Variants in FRMPD4 observed in about 807,000 individuals in gnomAD.
FRMPD4 encodes the protein FERM and PDZ domain containing 4.
FRMPD4 carries 22 observed loss-of-function variants against 94.1 expected under a neutral mutation model. The ratio of observed to expected loss-of-function variants is 0.23; its 90% CI spans 0.17 to 0.33. The LOEUF (loss-of-function observed/expected upper bound fraction) is 0.33, where lower values mean the gene tolerates loss of function less well. Ranked by LOEUF, FRMPD4 falls within the 10% of genes least tolerant of loss-of-function variation. FRMPD4 has a pLI of 1.00. For missense variants in FRMPD4, 1,111 were observed against 1,339.9 expected (o/e 0.83, Z 2.67); for synonymous variants, 631 against 548.6 (o/e 1.15, Z -2.10).
chrX:12,155,285 T>C (rs180699506), intron 1 of FRMPD4, among the ~76,000 whole-genome samples: 108 of 112,145 alleles, frequency 9.6e-4, no homozygotes, highest in Non-Finnish European at 1.8e-3. Context: ...TCCATCTGAA[T>C]ATCATACCCG....
At chrX:11,978,165 A>C (rs975918455) in intron 3 of FRMPD4, among the ~76,000 whole-genome samples, 3 of 108,212 alleles carry the variant, frequency 2.8e-5, no homozygotes, top group African/African-American at 1.0e-4. Context: ...TACTAAAAAT[A>C]CAAAAAATTA....
chrX:12,567,552 G>A (rs1454090968), intron 2 of FRMPD4, among the ~76,000 whole-genome samples: 1 of 112,519 alleles, frequency 8.9e-6, no homozygotes, highest in Admixed American at 9.4e-5. Context: ...CACAATCAAT[G>A]TGGCCAATGC....
At chrX:11,921,047 G>A (rs2054052991) in intron 3 of FRMPD4, among the ~76,000 whole-genome samples, 1 of 112,159 alleles carries the variant, frequency 8.9e-6, no homozygotes, top group African/African-American at 3.2e-5. Flanking sequence ...TAAAGTTATA[G>A]ATCAGGTCCT....
chrX:11,833,815 G>A (rs2053487768), intron 1 of FRMPD4, among the ~76,000 whole-genome samples: 1 of 111,595 alleles, frequency 9.0e-6, no homozygotes, highest in Non-Finnish European at 1.9e-5. Flanking sequence ...AATATGAGCA[G>A]AAGTGAAGCC....
chrX:12,357,991 T>A lies in FRMPD4; in HGVS notation c.42-140689T>A, dbSNP rs371891229. Reference sequence around the variant, plus strand: ...CGTCTAGATGAAATCATACAAGACATGCTCTTTCGTGATTGCCTTCTTTCA... The same window carrying A: ...CGTCTAGATGAAATCATACAAGACAAGCTCTTTCGTGATTGCCTTCTTTCA... On this transcript the variant is annotated intron_variant, in intron 1 of 16. Transcript: ENST00000675598. 2.4e-4 allele frequency among the ~76,000 whole-genome samples: 27 copies of A among 112,066 alleles called. 1 individual carries two copies. In the East Asian group the frequency reaches 3.1e-3, roughly 13 times the overall value.
chrX:12,551,987 G>C (rs955452303), intron 2 of FRMPD4, among the ~76,000 whole-genome samples: 1 of 111,929 alleles, frequency 8.9e-6, no homozygotes, highest in African/African-American at 3.2e-5. Context: ...AAATGGTTGA[G>C]TCTTTCCCTT....
intron 1 of FRMPD4, among the ~76,000 whole-genome samples, chrX:12,201,360 A>G (rs148827634): frequency 3.6e-5 from 4 of 112,259 alleles, no homozygotes; most frequent in African/African-American, 1.3e-4. Flanking sequence ...TCCTTCAACA[A>G]TGACAACAAT....
intron 3 of FRMPD4, among the ~76,000 whole-genome samples, chrX:11,953,600 G>T: frequency 9.0e-6 from 1 of 111,680 alleles, no homozygotes; most frequent in African/African-American, 3.3e-5. Context: ...AGGACGAATG[G>T]TCCCACCAGA....
chrX:12,606,063 C>T (rs2059129924), intron 2 of FRMPD4, among the ~76,000 whole-genome samples: 1 of 112,254 alleles, frequency 8.9e-6, no homozygotes, highest in Non-Finnish European at 1.9e-5. Context: ...AGTAAACTAG[C>T]ATATGGAAAG....
rs5935299 is a variant in FRMPD4, at chrX:12,328,245, A to C, written c.42-170435A>C. 5.4e-5 allele frequency among the ~76,000 whole-genome samples: 6 copies of C among 111,794 alleles called. No homozygotes were observed. The East Asian group carries it at 8.4e-4, about 16-fold the overall frequency. On this transcript the variant is annotated intron_variant, in intron 1 of 16. Transcript: ENST00000675598. ...TTACATGTACCAAACAATTAAAACT[A>C]GGCAATAACAAAATTCTAATGTGAA...
At chrX:12,154,633 A>G (rs1374286444) in intron 1 of FRMPD4, among the ~76,000 whole-genome samples, 1 of 112,745 alleles carries the variant, frequency 8.9e-6, no homozygotes, top group Non-Finnish European at 1.9e-5. Context: ...GGACATGTAT[A>G]CCCTAAATAG....
chrX:11,856,108 G>A (rs1342763331), intron 1 of FRMPD4, among the ~76,000 whole-genome samples: 1 of 111,421 alleles, frequency 9.0e-6, no homozygotes, highest in African/African-American at 3.3e-5. Flanking sequence ...CAGTGAAAGG[G>A]GAAGCCGCTT....
chrX:12,399,338 T>A (rs2056582886), intron 1 of FRMPD4, among the ~76,000 whole-genome samples: 1 of 111,821 alleles, frequency 8.9e-6, no homozygotes, highest in East Asian at 2.8e-4. Context: ...TAGATATTAG[T>A]GTAGCTATAG....
intron 1 of FRMPD4, among the ~76,000 whole-genome samples, chrX:12,286,163 A>G (rs1478213300): frequency 8.9e-6 from 1 of 112,374 alleles, no homozygotes; most frequent in African/African-American, 3.2e-5. Flanking sequence ...AAAGAAACAT[A>G]CACACATGCA....
chrX:12,678,826 A>G (rs2059930973), intron 5 of FRMPD4, among the ~76,000 whole-genome samples: 1 of 112,224 alleles, frequency 8.9e-6, no homozygotes, highest in South Asian at 3.7e-4. Context: ...ACTCTGTCTC[A>G]AAAAACAAAA....
intron 1 of FRMPD4, among the ~76,000 whole-genome samples, chrX:12,376,663 A>G (rs994480184): frequency 2.7e-5 from 3 of 113,085 alleles, no homozygotes; most frequent in African/African-American, 9.6e-5. Context: ...ACACACACAC[A>G]CACTCATTCA....
chrX:12,042,546 C>T lies in FRMPD4; in HGVS notation c.95+164528C>T, dbSNP rs138113154. 2.4e-3 allele frequency among the ~76,000 whole-genome samples: 266 copies of T among 111,468 alleles called. 1 individual carries two copies. Among genetic ancestry groups the T allele is most frequent in the African/African-American group, 7.6e-3 (232 of 30,658 alleles). Reference sequence around the variant, plus strand: ...TAATTGGGTAGAGGTTTTGCTTAGACACTTCAAGCTGTCTGACTCTCACAC... The same window carrying T: ...TAATTGGGTAGAGGTTTTGCTTAGATACTTCAAGCTGTCTGACTCTCACAC... On this transcript the variant is annotated intron_variant, in intron 3 of 18. Transcript: ENST00000640291.
At chrX:12,100,613 C>T (rs747319517) in intron 3 of FRMPD4, among the ~76,000 whole-genome samples, 1 of 111,386 alleles carries the variant, frequency 9.0e-6, no homozygotes, top group South Asian at 3.8e-4. Context: ...AAAATATTTG[C>T]TACTTATTGT....
At chrX:12,079,012 G>A (rs1450947299) in intron 3 of FRMPD4, among the ~76,000 whole-genome samples, 3 of 111,303 alleles carry the variant, frequency 2.7e-5, no homozygotes, top group Non-Finnish European at 5.7e-5. Flanking sequence ...TAATTAGGGT[G>A]AAATTGGTAT....
Sources: gnomAD v4.1 joint callset for allele counts (sites outside exome capture counted in the v4.1 genomes callset) on GRCh38, gnomAD v4.1.1 for gene constraint, MANE v1.5 for transcripts, NCBI Gene and HGNC (gene_info 2026-07-23, HGNC 2026-07-21) for gene names.